The following ABCA12 variants were observed in gnomAD, a reference collection of about 807,000 sequenced individuals.
The protein encoded by ABCA12 is glucosylceramide transporter ABCA12.
Under a neutral mutation model 293.5 loss-of-function variants are expected in ABCA12, and 156 were observed. The observed-to-expected ratio is 0.53, with a 90% CI of 0.47 to 0.61. ABCA12 has a LOEUF of 0.61. ABCA12 is among the 20% of genes least tolerant of loss of function. The pLI is 0.00. For synonymous variants in ABCA12, 1,063 were observed against 1,108.0 expected, an observed-to-expected ratio of 0.96 and a Z score of 0.81; for missense variants, 2,797 against 3,090.2, an observed-to-expected ratio of 0.91 and a Z score of 2.25.
chr2:215,023,151 G>A (rs1700667045), intron 11 of ABCA12: 1 of 152,124 alleles, frequency 6.6e-6, no homozygotes, highest in Admixed American at 6.5e-5. Flanking sequence ...TAATTATCAG[G>A]GTGAACAAAG....
chr2:215,035,803 C>T (rs66780625), intron 8 of ABCA12: 46,148 of 151,858 alleles, frequency 0.3, 8,028 homozygotes, highest in Middle Eastern at 0.41. Flanking sequence ...AATAAGAAAT[C>T]CTGCTTACTT....
Position 214,932,367 on chromosome 2 carries a change from A to T in ABCA12, c.*267T>A. 2.4e-6 allele frequency: 1 copy of T among 415,318 alleles called. No individual in the cohort carries two copies. The highest frequency in any genetic ancestry group is 2.0e-5 in the African/African-American group (1 of 49,342). The allele number at this position is 415,318 out of a possible 1,614,324, so 25.7% of individuals were successfully genotyped here. On this transcript the variant is annotated 3_prime_UTR_variant, in exon 53 of 53. Coordinates refer to ENST00000272895, the MANE Select transcript of ABCA12 (RefSeq NM_173076.3). Reference sequence around the variant, plus strand: ...AAGATATTCATCTTGAGGTGGCTTCACCTTTGCATAAGAATCACCAGCATA... The same window carrying T: ...AAGATATTCATCTTGAGGTGGCTTCTCCTTTGCATAAGAATCACCAGCATA...
chr2:214,944,549 A>G (rs1223869952), intron 49 of ABCA12, among the ~76,000 whole-genome samples: 1 of 152,066 alleles, frequency 6.6e-6, no homozygotes, highest in Non-Finnish European at 1.5e-5. Flanking sequence ...CTGATAGGAG[A>G]GGGTGTTGCA....
chr2:215,037,668 G>C (rs773326444), intron 7 of ABCA12, among the ~76,000 whole-genome samples: 1 of 152,044 alleles, frequency 6.6e-6, no homozygotes, highest in Admixed American at 6.6e-5. Context: ...TTATGTTACC[G>C]ATAAGATGGG....
intron 27 of ABCA12, 37 bp from the exon 28 acceptor site, chr2:214,986,765 A>G (rs1170775604): frequency 6.3e-7 from 1 of 1,581,898 alleles, no homozygotes; most frequent in Non-Finnish European, 8.7e-7. Context: ...TAAACTCACA[A>G]GTAAGGTAAT....
chr2:215,047,145 G>A (rs1404001084), intron 6 of ABCA12, among the ~76,000 whole-genome samples: 1 of 152,080 alleles, frequency 6.6e-6, no homozygotes, highest in African/African-American at 2.4e-5. Flanking sequence ...CTAGGTGATG[G>A]GTTGATAGGT....
At chr2:214,973,165 T>C (rs535857494) in intron 36 of ABCA12, among the ~76,000 whole-genome samples, 1 of 152,108 alleles carries the variant, frequency 6.6e-6, no homozygotes, top group African/African-American at 2.4e-5. Flanking sequence ...AAAAGATTCT[T>C]TTTGGGTCCC....
chr2:214,974,183 G>A (rs1699454977), intron 35 of ABCA12, 141 bp from the exon 36 acceptor site: 2 of 785,492 alleles, frequency 2.5e-6, no homozygotes, highest in Admixed American at 2.0e-5. Flanking sequence ...TAACTTCAGT[G>A]TACATTGCTC....
Position 215,000,820 on chromosome 2 carries a change from T to A in ABCA12, c.3064A>T (p.Ile1022Phe). ...CTTTCAATACTATCCTGTAAATAAA[T>A]AAAAGCCCTGCCATAGATCTGGTTG... ...SHNQIYGRAF[I>F]YLQDSIERAI... The change falls in exon 22 of 53, where the codon ATT (isoleucine) becomes TTT (phenylalanine). Residue 1022 changes from isoleucine to phenylalanine, a missense_variant. By Grantham distance (21) the Ile-to-Phe change is conservative. This residue lies in a region of ABCA12 where 2,130 missense variants were observed against 2,427.0 expected (regional missense o/e 0.88). Coordinates refer to ENST00000272895, the MANE Select transcript of ABCA12 (RefSeq NM_173076.3). 1 of 1,614,124 alleles carries A rather than the reference T, an allele frequency of 6.2e-7. No homozygotes were observed. Among genetic ancestry groups the A allele is most frequent in the Non-Finnish European group, 8.5e-7 (1 of 1,179,994 alleles).
chr2:215,134,254 A>G (rs975672085), intron 1 of ABCA12, among the ~76,000 whole-genome samples: 2 of 120,010 alleles, frequency 1.7e-5, no homozygotes, highest in South Asian at 2.6e-4. Context: ...GTATATATGT[A>G]TATATGTACA....
intron 39 of ABCA12, among the ~76,000 whole-genome samples, chr2:214,966,507 C>T (rs1559119325): frequency 6.6e-6 from 1 of 152,074 alleles, no homozygotes; most frequent in Non-Finnish European, 1.5e-5. Flanking sequence ...TATTTGTAAA[C>T]ATTAATTGTT....
intron 2 of ABCA12, chr2:215,075,376 C>T: frequency 1.9e-6 from 1 of 522,114 alleles, no homozygotes; most frequent in Non-Finnish European, 3.4e-6. Context: ...CTTCTAGTAA[C>T]CTGAGCTAAC....
intron 22 of ABCA12, among the ~76,000 whole-genome samples, chr2:214,998,709 T>C (rs1700083769): frequency 6.6e-6 from 1 of 152,148 alleles, no homozygotes; most frequent in Admixed American, 6.5e-5. Context: ...CAGCCTCTGA[T>C]TTATTATATC....
intron 50 of ABCA12, among the ~76,000 whole-genome samples, chr2:214,939,766 C>CTAT (rs1421714583): frequency 6.6e-6 from 1 of 152,014 alleles, no homozygotes; most frequent in East Asian, 1.9e-4. Flanking sequence ...TTCTGTTTGT[C>CTAT]TATTATTGGT....
intron 2 of ABCA12, chr2:215,075,644 G>A: frequency 1.5e-6 from 1 of 661,206 alleles, no homozygotes; most frequent in East Asian, 2.7e-5. Flanking sequence ...GCATGTTCAA[G>A]TATTAAGCAC....
intron 50 of ABCA12, among the ~76,000 whole-genome samples, chr2:214,940,056 A>G (rs986159531): frequency 3.3e-5 from 5 of 152,190 alleles, no homozygotes; most frequent in African/African-American, 1.2e-4. Context: ...TTCAAAGGGA[A>G]TACTTCCAGA....
chr2:214,992,697 A>T (rs886674503), intron 23 of ABCA12, among the ~76,000 whole-genome samples: 2 of 151,438 alleles, frequency 1.3e-5, no homozygotes, highest in African/African-American at 4.9e-5. Context: ...CCCCATCTCT[A>T]CTAAAAATAC....
At chr2:214,980,186 T>C (rs1699615406) in intron 31 of ABCA12, among the ~76,000 whole-genome samples, 1 of 152,204 alleles carries the variant, frequency 6.6e-6, no homozygotes, top group Non-Finnish European at 1.5e-5. Context: ...GCACATTGGT[T>C]CTGAATGTGC....
intron 46 of ABCA12, 147 bp from the exon 47 acceptor site, chr2:214,948,884 A>G: frequency 8.7e-7 from 1 of 1,154,732 alleles, no homozygotes; most frequent in Non-Finnish European, 1.3e-6. Flanking sequence ...TCAAATTCAC[A>G]TTTAAACATT....
Sources: allele counts gnomAD v4.1 joint callset (sites outside exome capture counted in the v4.1 genomes callset), GRCh38; gene constraint gnomAD v4.1.1; regional missense constraint gnomAD v4.1.1; transcripts MANE v1.5; gene names NCBI Gene and HGNC (gene_info 2026-07-23, HGNC 2026-07-21).